Variants in TSPAN5 observed in about 807,000 individuals in gnomAD.
The protein encoded by TSPAN5 is tetraspanin-5.
Under a neutral mutation model 37.1 loss-of-function variants are expected in TSPAN5, and 10 were observed. The observed-to-expected ratio is 0.27, with a 90% CI of 0.17 to 0.46. The LOEUF is 0.46. TSPAN5 is among the 20% of genes least tolerant of loss of function. The pLI is 1.00. For missense variants in TSPAN5, 195 were observed against 326.6 expected (o/e 0.60, Z 3.11); for synonymous variants, 110 against 118.9 (o/e 0.93, Z 0.48).
chr4:98,533,530 A>G (rs1179384876), intron 1 of TSPAN5, among the ~76,000 whole-genome samples: 1 of 71,708 alleles, frequency 1.4e-5, no homozygotes, highest in African/African-American at 6.8e-5. Context: ...ATTGGTGGTG[A>G]TATCCCCTAT....
At chr4:98,621,180 A>G (rs1031341149) in intron 1 of TSPAN5, among the ~76,000 whole-genome samples, 5 of 152,024 alleles carry the variant, frequency 3.3e-5, no homozygotes, top group Non-Finnish European at 7.4e-5. Context: ...TGGCTGGCAA[A>G]CCACTATAAG....
intron 1 of TSPAN5, among the ~76,000 whole-genome samples, chr4:98,548,232 A>G (rs1754516977): frequency 6.6e-6 from 1 of 152,134 alleles, no homozygotes; most frequent in South Asian, 2.1e-4. Flanking sequence ...TAGAGAGTTA[A>G]GTGTTTCTCT....
At chr4:98,546,425 G>T (rs982934686) in intron 1 of TSPAN5, among the ~76,000 whole-genome samples, 1 of 152,114 alleles carries the variant, frequency 6.6e-6, no homozygotes, top group African/African-American at 2.4e-5. Context: ...GCAAACCATT[G>T]GTGAGCCATG....
chr4:98,641,850 C>T (rs1348175287), intron 1 of TSPAN5, among the ~76,000 whole-genome samples: 1 of 152,192 alleles, frequency 6.6e-6, no homozygotes, highest in Non-Finnish European at 1.5e-5. Flanking sequence ...AGATGCTGGG[C>T]TCCCAGAAGA....
At chr4:98,649,105 T>A (rs1757129113) in intron 1 of TSPAN5, among the ~76,000 whole-genome samples, 1 of 152,216 alleles carries the variant, frequency 6.6e-6, no homozygotes, top group African/African-American at 2.4e-5. Context: ...ACTTTGGCCA[T>A]CAAGATTCAA....
chr4:98,574,530 G>C (rs1755191646), intron 1 of TSPAN5: 1 of 152,214 alleles, frequency 6.6e-6, no homozygotes, highest in African/African-American at 2.4e-5. Flanking sequence ...AAGCTGCAGT[G>C]CTTCATCCAA....
At chr4:98,615,192 T>A (rs1013808199) in intron 1 of TSPAN5, among the ~76,000 whole-genome samples, 2 of 152,206 alleles carry the variant, frequency 1.3e-5, no homozygotes, top group African/African-American at 4.8e-5. Context: ...TAACCTGCTA[T>A]GAAAACCCCT....
intron 5 of TSPAN5, among the ~76,000 whole-genome samples, chr4:98,477,804 G>C (rs143035408): frequency 9.0e-4 from 137 of 152,054 alleles, no homozygotes; most frequent in African/African-American, 2.9e-3. Flanking sequence ...GACCACGGGT[G>C]TGTGCCACCA....
chr4:98,619,367 C>G (rs1306674903), intron 1 of TSPAN5, among the ~76,000 whole-genome samples: 1 of 152,162 alleles, frequency 6.6e-6, no homozygotes, highest in Non-Finnish European at 1.5e-5. Context: ...AAACTGAGAT[C>G]ATGAGCATGA....
chr4:98,592,483 T>A (rs1302321230), intron 1 of TSPAN5, among the ~76,000 whole-genome samples: 63 of 147,410 alleles, frequency 4.3e-4, no homozygotes, highest in African/African-American at 1.3e-3. Context: ...ATGTGCACAT[T>A]GTGCAGGTTA....
At chr4:98,598,595 G>A (rs1457868484) in intron 1 of TSPAN5, among the ~76,000 whole-genome samples, 1 of 152,022 alleles carries the variant, frequency 6.6e-6, no homozygotes, top group Non-Finnish European at 1.5e-5. Context: ...CTCCCAAGTA[G>A]CTGGCACTAC....
intron 1 of TSPAN5, among the ~76,000 whole-genome samples, chr4:98,591,077 G>T (rs78029724): frequency 0.11 from 15,808 of 137,852 alleles, 926 homozygotes; most frequent in African/African-American, 0.16. Flanking sequence ...TTGTTTTTTT[G>T]TTTTTTTTTT....
Position 98,486,894 on chromosome 4 carries a change from G to A in TSPAN5, c.133-10C>T. 6.2e-7 allele frequency: 1 copy of A among 1,613,248 alleles called. No individual in the cohort carries two copies. On this transcript the variant is annotated splice_polypyrimidine_tract_variant and intron_variant, in intron 2 of 7. Transcript: ENST00000305798. ...TGTTGGACAGAACTCCCTGGGAGCA[G>A]AAAAGAACACACAACAAGGCACGGG...
intron 1 of TSPAN5, among the ~76,000 whole-genome samples, chr4:98,609,955 G>A (rs1045113092): frequency 6.6e-6 from 1 of 152,056 alleles, no homozygotes; most frequent in African/African-American, 2.4e-5. Flanking sequence ...CAAGCAGGAG[G>A]GCTCCTCATT....
intron 2 of TSPAN5, among the ~76,000 whole-genome samples, chr4:98,495,390 G>A (rs917556923): frequency 6.6e-6 from 1 of 152,078 alleles, no homozygotes; most frequent in Non-Finnish European, 1.5e-5. Flanking sequence ...TTAGCCAGGT[G>A]TGGTGGTGGG....
chr4:98,636,330 T>G (rs1341028170), intron 1 of TSPAN5, among the ~76,000 whole-genome samples: 1 of 152,206 alleles, frequency 6.6e-6, no homozygotes, highest in Non-Finnish European at 1.5e-5. Context: ...CCCTACACCT[T>G]TGCTCCATGC....
chr4:98,486,528 G>A, intron 3 of TSPAN5: 1 of 548,834 alleles, frequency 1.8e-6, no homozygotes, highest in Non-Finnish European at 3.2e-6. Flanking sequence ...TGGATGGCAT[G>A]GTGGGGTGGT....
At chr4:98,511,569 A>T (rs1282672700) in intron 1 of TSPAN5, among the ~76,000 whole-genome samples, 1 of 152,214 alleles carries the variant, frequency 6.6e-6, no homozygotes, top group African/African-American at 2.4e-5. Flanking sequence ...GTTGGCTGTT[A>T]ACTGAAACAT....
intron 1 of TSPAN5, among the ~76,000 whole-genome samples, chr4:98,648,770 C>T (rs950781402): frequency 3.3e-5 from 5 of 152,212 alleles, no homozygotes; most frequent in African/African-American, 4.8e-5. Context: ...CAGGGAGCAA[C>T]GGGAAGGAGA....
Sources: gnomAD v4.1 joint callset for allele counts (sites outside exome capture counted in the v4.1 genomes callset) on GRCh38, gnomAD v4.1.1 for gene constraint, MANE v1.5 for transcripts, NCBI Gene and HGNC (gene_info 2026-07-23, HGNC 2026-07-21) for gene names.